Variants in NRXN3 observed in about 807,000 individuals in gnomAD.
The protein encoded by NRXN3 is neurexin III.
A neutral mutation model predicts 137.6 loss-of-function variants in NRXN3; 32 were observed. The ratio of observed to expected loss-of-function variants is 0.23; its 90% CI spans 0.18 to 0.31. NRXN3 has a LOEUF of 0.31. Ranked by LOEUF, NRXN3 falls within the 10% of genes least tolerant of loss-of-function variation. NRXN3 has a pLI of 1.00. For missense variants in NRXN3, 1,574 were observed against 2,062.5 expected (o/e 0.76, Z 4.59); for synonymous variants, 798 against 784.5 (o/e 1.02, Z -0.29).
chr14:79,215,262 T>G (rs146885479), intron 15 of NRXN3, among the ~76,000 whole-genome samples: 476 of 152,308 alleles, frequency 3.1e-3, no homozygotes, highest in African/African-American at 0.011. Context: ...CCAGCACTAT[T>G]TAAAGGCAGG....
intron 4 of NRXN3, among the ~76,000 whole-genome samples, chr14:78,544,624 G>C (rs528652070): frequency 3.3e-4 from 51 of 152,338 alleles, no homozygotes; most frequent in African/African-American, 1.2e-3. Context: ...TAGAGGCTGC[G>C]TGACTTGACC....
At chr14:79,713,525 G>T (rs1290179157) in intron 19 of NRXN3, among the ~76,000 whole-genome samples, 12 of 139,808 alleles carry the variant, frequency 8.6e-5, no homozygotes, top group African/African-American at 2.9e-4. Flanking sequence ...GGTTAGAGAG[G>T]GAATTGGTGG....
chr14:79,594,961 C>T (rs969776363), intron 16 of NRXN3, among the ~76,000 whole-genome samples: 1 of 152,092 alleles, frequency 6.6e-6, no homozygotes, highest in Non-Finnish European at 1.5e-5. Flanking sequence ...CAAGATTAAT[C>T]GTGTATAAAC....
chr14:78,554,740 G>A lies in NRXN3; in HGVS notation c.758-90380G>A, dbSNP rs139570071. Among the ~76,000 whole-genome samples, 134 of 152,208 alleles carry A rather than the reference G, an allele frequency of 8.8e-4. 1 individual carries two copies. In the East Asian group the frequency reaches 0.022, roughly 25 times the overall value. On this transcript the variant is annotated intron_variant, in intron 4 of 20. Coordinates refer to ENST00000335750, the MANE Select transcript of NRXN3 (RefSeq NM_001330195.2). ...TTACCAGGAACTTAAAAGAGTAAAC[G>A]TGGTTGCTGACATTTTAGCGTTCGT...
Position 79,723,542 on chromosome 14 carries a change from GC to G in NRXN3, c.4014+25607del. The stretch of plus-strand genomic sequence containing the variant: ...TTAATAACCTGAGCAGGGTTTTCAT[GC>G]CTCCTTCCCCTTTGTTTTCTCCTTT... On this transcript the variant is annotated intron_variant, in intron 19 of 20. Transcript: ENST00000335750. Among the ~76,000 whole-genome samples, 2 of 152,070 alleles carry G rather than the reference GC, an allele frequency of 1.3e-5. 1 individual carries two copies. The highest frequency in any genetic ancestry group is 6.3e-3 in the Middle Eastern group (2 of 316).
intron 10 of NRXN3, among the ~76,000 whole-genome samples, chr14:78,820,725 G>A (rs565852356): frequency 5.9e-5 from 9 of 152,272 alleles, no homozygotes; most frequent in African/African-American, 2.2e-4. Context: ...AGGGGTGCAA[G>A]TAAGAGGTGC....
At chr14:78,314,178 C>T (rs931999528) in intron 4 of NRXN3, among the ~76,000 whole-genome samples, 1 of 152,120 alleles carries the variant, frequency 6.6e-6, no homozygotes, top group Non-Finnish European at 1.5e-5. Flanking sequence ...GTTGACATTG[C>T]AGTGGTAGCG....
intron 20 of NRXN3, among the ~76,000 whole-genome samples, chr14:79,826,734 A>G (rs2099303630): frequency 6.6e-6 from 1 of 152,198 alleles, no homozygotes; most frequent in African/African-American, 2.4e-5. Context: ...ATCCAATCCA[A>G]GATCACACAT....
intron 3 of NRXN3, among the ~76,000 whole-genome samples, chr14:78,280,698 T>TGACAAA (rs2074287658): frequency 6.6e-6 from 1 of 152,150 alleles, no homozygotes; most frequent in East Asian, 1.9e-4. Flanking sequence ...CATCTTTTTC[T>TGACAAA]AGTGCTCACA....
intron 17 of NRXN3, among the ~76,000 whole-genome samples, chr14:79,682,116 T>C (rs1289587117): frequency 6.6e-6 from 1 of 152,208 alleles, no homozygotes; most frequent in Non-Finnish European, 1.5e-5. Context: ...AGTTACAATC[T>C]ATCAGTGTTA....
chr14:79,632,602 A>C (rs1355372822), intron 16 of NRXN3, among the ~76,000 whole-genome samples: 1 of 152,216 alleles, frequency 6.6e-6, no homozygotes, highest in Non-Finnish European at 1.5e-5. Context: ...ACAAAATTTC[A>C]CTTCATGATT....
In NRXN3 at chr14:78,830,377, A is replaced by G. The variant is rs924150795; in HGVS notation, c.2275+20033A>G. ...GCCTAGATTTTGTTACAAATTCTCA[A>G]TTTATGTTTGATTCTGAATAAAATT... On this transcript the variant is annotated intron_variant, in intron 10 of 20. Coordinates refer to ENST00000335750, the MANE Select transcript of NRXN3 (RefSeq NM_001330195.2). 3.9e-5 allele frequency among the ~76,000 whole-genome samples: 6 copies of G among 152,220 alleles called. No homozygotes were observed. The East Asian group carries it at 1.2e-3, about 29-fold the overall frequency.
At chr14:78,765,718 A>C (rs561795820) in intron 8 of NRXN3, among the ~76,000 whole-genome samples, 15 of 150,480 alleles carry the variant, frequency 1.0e-4, no homozygotes, top group Non-Finnish European at 2.1e-4. Flanking sequence ...TAAGTGAATA[A>C]ATGTTGATAT....
At chr14:79,618,257 G>C (rs1406074907) in intron 16 of NRXN3, among the ~76,000 whole-genome samples, 1 of 152,000 alleles carries the variant, frequency 6.6e-6, no homozygotes, top group Non-Finnish European at 1.5e-5. Context: ...TGGATAGATT[G>C]TGTGCCACTG....
intron 15 of NRXN3, among the ~76,000 whole-genome samples, chr14:79,370,999 G>A (rs556773977): frequency 2.0e-4 from 30 of 152,252 alleles, no homozygotes; most frequent in African/African-American, 5.5e-4. Flanking sequence ...GTCATACAGC[G>A]AAGCAGAAAT....
chr14:79,134,919 T>C (rs2058063497), intron 15 of NRXN3, among the ~76,000 whole-genome samples: 1 of 152,226 alleles, frequency 6.6e-6, no homozygotes, highest in Non-Finnish European at 1.5e-5. Flanking sequence ...GAAATTTCAT[T>C]TATTTCACTA....
intron 4 of NRXN3, among the ~76,000 whole-genome samples, chr14:78,312,705 G>A (rs1459783937): frequency 2.6e-5 from 4 of 151,958 alleles, no homozygotes; most frequent in Admixed American, 6.6e-5. Flanking sequence ...TTTAGTGCCC[G>A]TCCGTGAGGC....
intron 19 of NRXN3, among the ~76,000 whole-genome samples, chr14:79,784,216 T>C (rs993919364): frequency 2.6e-5 from 4 of 152,228 alleles, no homozygotes; most frequent in Non-Finnish European, 5.9e-5. Context: ...TAACCTGTTG[T>C]TGAAACCCTG....
chr14:78,479,214 G>A (rs1485534152), intron 4 of NRXN3, among the ~76,000 whole-genome samples: 1 of 152,150 alleles, frequency 6.6e-6, no homozygotes, highest in Non-Finnish European at 1.5e-5. Context: ...TCTCCCAAGA[G>A]GCATAGTGAG....
Sources: allele counts gnomAD v4.1 joint callset (sites outside exome capture counted in the v4.1 genomes callset), GRCh38; gene constraint gnomAD v4.1.1; transcripts MANE v1.5; gene names NCBI Gene and HGNC (gene_info 2026-07-23, HGNC 2026-07-21).